The following STK3 variants were observed in gnomAD, a reference collection of about 807,000 sequenced individuals.
STK3 encodes serine/threonine-protein kinase 3.
Under a neutral mutation model 58.0 loss-of-function variants are expected in STK3, and 41 were observed. That is an observed-to-expected ratio of 0.71 (90% CI 0.55 to 0.92). The LOEUF is 0.92. Among genes scored for constraint, STK3 ranks in the 40% least tolerant of loss-of-function variants. STK3 has a pLI of 0.00. For synonymous variants in STK3, 170 were observed against 191.0 expected (o/e 0.89, Z 0.91); for missense variants, 479 against 602.7 (o/e 0.79, Z 2.15).
intron 3 of STK3, among the ~76,000 whole-genome samples, chr8:98,855,701 G>C (rs1052874037): frequency 1.3e-5 from 2 of 152,118 alleles, no homozygotes; most frequent in African/African-American, 4.8e-5. Context: ...TGAGGGGCTT[G>C]TATCTAGACT....
intron 6 of STK3, among the ~76,000 whole-genome samples, chr8:98,674,997 A>T (rs987012216): frequency 1.5e-5 from 2 of 133,160 alleles, no homozygotes; most frequent in Non-Finnish European, 3.3e-5. Context: ...ACTTTCAAAC[A>T]TATGTTGACC....
intron 6 of STK3, among the ~76,000 whole-genome samples, chr8:98,700,706 A>G (rs2131028875): frequency 6.6e-6 from 1 of 152,340 alleles, no homozygotes; most frequent in South Asian, 2.1e-4. Context: ...ATTGCATTGC[A>G]TAGAAGTAAA....
At chr8:98,807,524 C>T (rs1464945313) in intron 1 of STK3, among the ~76,000 whole-genome samples, 1 of 152,134 alleles carries the variant, frequency 6.6e-6, no homozygotes, top group Admixed American at 6.5e-5. Context: ...TCCCAAAGTA[C>T]TGGGATTACA....
rs1833497242 is a variant in STK3 at position 98,800,863 on chromosome 8, G to A, written c.26+24652C>T. Reference sequence around the variant, plus strand: ...AGGACCTGCAGCCCCCCATGCCAGAGCCCCCCCCACCAAGGTGGGCTCCCG... The same window carrying A: ...AGGACCTGCAGCCCCCCATGCCAGAACCCCCCCCACCAAGGTGGGCTCCCG... On this transcript the variant is annotated intron_variant, in intron 1 of 10. Transcript: ENST00000419617. The surrounding 1 kb of genome is among the most constrained non-coding windows in gnomAD (Gnocchi z 4.8). Among the ~76,000 whole-genome samples the A allele has an allele frequency of 1.3e-5, 2 of 151,886 alleles. No individual in the cohort carries two copies. Among genetic ancestry groups the A allele is most frequent in the South Asian group, 4.2e-4 (2 of 4,814 alleles).
chr8:98,792,790 A>G (rs553019161), intron 1 of STK3, among the ~76,000 whole-genome samples: 2 of 152,338 alleles, frequency 1.3e-5, no homozygotes, highest in South Asian at 4.1e-4. Flanking sequence ...AAGTCATTAT[A>G]AGAAAAAGAC....
intron 7 of STK3, among the ~76,000 whole-genome samples, chr8:98,586,493 G>C (rs1280668570): frequency 6.7e-6 from 1 of 149,526 alleles, no homozygotes; most frequent in East Asian, 1.9e-4. Flanking sequence ...GCTGGATTCG[G>C]TTTGCCAGTA....
intron 1 of STK3, among the ~76,000 whole-genome samples, chr8:98,927,335 G>C (rs1006822179): frequency 1.3e-5 from 2 of 152,180 alleles, no homozygotes; most frequent in African/African-American, 4.8e-5. Flanking sequence ...GATTCATTGT[G>C]GTTTGGGCAT....
At chr8:98,383,657 A>T (rs570809535) in intron 1 of STK3, among the ~76,000 whole-genome samples, 3 of 152,364 alleles carry the variant, frequency 2.0e-5, no homozygotes, top group African/African-American at 7.2e-5. Context: ...AACAGAAGTC[A>T]CTGGGTCAGA....
At chr8:98,535,081 T>G (rs1050307421) in intron 9 of STK3, among the ~76,000 whole-genome samples, 7 of 152,174 alleles carry the variant, frequency 4.6e-5, no homozygotes, top group African/African-American at 1.7e-4. Context: ...ATCTGAAAAC[T>G]TTAACATTCA....
downstream of STK3, among the ~76,000 whole-genome samples, chr8:98,451,388 A>G (rs2131121073): frequency 6.6e-6 from 1 of 152,338 alleles, no homozygotes; most frequent in South Asian, 2.1e-4. Flanking sequence ...CAAATAAAAC[A>G]ATAATGGAGA....
At chr8:98,824,526 C>G (rs905559952) in intron 1 of STK3, among the ~76,000 whole-genome samples, 1 of 152,212 alleles carries the variant, frequency 6.6e-6, no homozygotes, top group Admixed American at 6.5e-5. Context: ...AGGTAACTTA[C>G]AAAATGCTAG....
chr8:98,593,897 A>C (rs563119746), intron 7 of STK3, among the ~76,000 whole-genome samples: 81 of 151,610 alleles, frequency 5.3e-4, no homozygotes, highest in African/African-American at 1.5e-3. Context: ...CTACCCCCCC[A>C]AAAAAAAATT....
intron 6 of STK3, among the ~76,000 whole-genome samples, chr8:98,622,795 A>G (rs1169155117): frequency 6.6e-6 from 1 of 152,218 alleles, no homozygotes; most frequent in Non-Finnish European, 1.5e-5. Flanking sequence ...CATTCTATCA[A>G]ACTAAGAAAT....
intron 1 of STK3, among the ~76,000 whole-genome samples, chr8:98,782,940 T>G (rs1468402320): frequency 6.6e-6 from 1 of 151,486 alleles, no homozygotes; most frequent in Non-Finnish European, 1.5e-5. Context: ...TTTCCAAATT[T>G]TATGTAAACC....
chr8:98,900,751 C>A (rs1437538672), intron 1 of STK3, among the ~76,000 whole-genome samples: 4 of 151,330 alleles, frequency 2.6e-5, no homozygotes, highest in African/African-American at 4.9e-5. Context: ...AACCTCCCCC[C>A]ACTGGGTTCA....
chr8:98,427,979 C>T, intron 3 of STK3: 1 of 1,527,116 alleles, frequency 6.5e-7, no homozygotes. Context: ...GCGCCTCCAG[C>T]ATGACCGGCC....
the STK3 span, among the ~76,000 whole-genome samples, chr8:98,345,768 G>A: frequency 6.6e-6 from 1 of 151,992 alleles, no homozygotes; most frequent in South Asian, 2.1e-4. Flanking sequence ...TTTTTATTTT[G>A]AGTTCTTCTA....
At chr8:98,827,745 C>T (rs1188460503), upstream of STK3, among the ~76,000 whole-genome samples, 1 of 152,054 alleles carries the variant, frequency 6.6e-6, no homozygotes. Flanking sequence ...GCCTCAACCT[C>T]CCGGGCTCAA....
chr8:98,515,313 A>G (rs1222198862), intron 10 of STK3, among the ~76,000 whole-genome samples: 1 of 152,122 alleles, frequency 6.6e-6, no homozygotes, highest in Non-Finnish European at 1.5e-5. Context: ...TTTACCACCT[A>G]GGTTACTACT....
Sources: gnomAD v4.1 joint callset for allele counts (sites outside exome capture counted in the v4.1 genomes callset) on GRCh38, gnomAD v4.1.1 for gene constraint, Gnocchi (gnomAD v3.1) non-coding constraint, MANE v1.5 for transcripts, NCBI Gene and HGNC (gene_info 2026-07-23, HGNC 2026-07-21) for gene names.